Variants in GLI2 observed in about 807,000 individuals in gnomAD.
The protein encoded by GLI2 is transcription activator GLI2.
Under a neutral mutation model 78.9 loss-of-function variants are expected in GLI2, and 22 were observed. That is an observed-to-expected ratio of 0.28 (90% CI 0.20 to 0.40). The LOEUF is 0.40. Among genes scored for constraint, GLI2 ranks in the 10% least tolerant of loss-of-function variants. GLI2 has a pLI of 1.00. For synonymous variants in GLI2, 974 were observed against 963.7 expected (o/e 1.01, Z -0.20); for missense variants, 2,097 against 2,213.2 (o/e 0.95, Z 1.05).
intron 2 of GLI2, among the ~76,000 whole-genome samples, chr2:120,907,374 C>T (rs1227575675): frequency 7.9e-5 from 12 of 152,154 alleles, no homozygotes; most frequent in Admixed American, 7.9e-4. Flanking sequence ...AGAGAAACTT[C>T]CCTGACCTGA....
intron 3 of GLI2, 123 bp from the exon 4 acceptor site, chr2:120,951,120 T>C: frequency 1.3e-6 from 1 of 741,222 alleles, no homozygotes; most frequent in Non-Finnish European, 2.5e-6. Flanking sequence ...TAGCAAATAA[T>C]AAGTGCAGGT....
At chr2:120,866,883 T>C (rs1210111389) in intron 2 of GLI2, 2 of 152,204 alleles carry the variant, frequency 1.3e-5, no homozygotes, top group Non-Finnish European at 2.9e-5. Flanking sequence ...TGGCTGGGGA[T>C]GTGGGTTCAG....
At chr2:120,919,646 G>A (rs775395484) in intron 2 of GLI2, among the ~76,000 whole-genome samples, 12 of 152,236 alleles carry the variant, frequency 7.9e-5, no homozygotes, top group Non-Finnish European at 1.3e-4. Flanking sequence ...ACTGTCCCCT[G>A]GGATTCACAC....
At chr2:120,783,764 C>T (rs528099233) in intron 1 of GLI2, among the ~76,000 whole-genome samples, 59 of 152,262 alleles carry the variant, frequency 3.9e-4, no homozygotes, top group African/African-American at 1.3e-3. Flanking sequence ...ATACTATCCA[C>T]GTTGATTTAA....
chr2:120,977,340 T>G (rs889581431), intron 9 of GLI2, among the ~76,000 whole-genome samples: 18 of 152,254 alleles, frequency 1.2e-4, no homozygotes, highest in African/African-American at 4.3e-4. Flanking sequence ...GCCCAATATA[T>G]CTGAAATATC....
chr2:120,835,943 G>T (rs1476788938), intron 2 of GLI2, among the ~76,000 whole-genome samples: 2 of 152,132 alleles, frequency 1.3e-5, no homozygotes, highest in South Asian at 2.1e-4. Context: ...CAAGGTGGGG[G>T]ATGTTCTGCC....
chr2:120,961,969 G>A (rs1473260318), intron 5 of GLI2, among the ~76,000 whole-genome samples: 1 of 152,176 alleles, frequency 6.6e-6, no homozygotes, highest in African/African-American at 2.4e-5. Context: ...CCAGGTGCCA[G>A]GATGATGCTC....
chr2:120,830,772 G>GT (rs1179870777), intron 2 of GLI2, among the ~76,000 whole-genome samples: 1 of 152,162 alleles, frequency 6.6e-6, no homozygotes, highest in Non-Finnish European at 1.5e-5. Context: ...TGTTCCCTCT[G>GT]TTTTCTGGGT....
chr2:120,765,856 C>G (rs368843522), intron 1 of GLI2, among the ~76,000 whole-genome samples: 2 of 152,222 alleles, frequency 1.3e-5, no homozygotes, highest in East Asian at 1.9e-4. Flanking sequence ...TTTTGGCACG[C>G]GCTAAGGCGG....
intron 1 of GLI2, among the ~76,000 whole-genome samples, chr2:120,747,563 G>A (rs1336646776): frequency 6.6e-6 from 1 of 152,214 alleles, no homozygotes; most frequent in Non-Finnish European, 1.5e-5. Context: ...GACCTGTCTG[G>A]AGACATTTTT....
At chr2:120,908,076 G>T (rs1678632692) in intron 2 of GLI2, among the ~76,000 whole-genome samples, 1 of 152,212 alleles carries the variant, frequency 6.6e-6, no homozygotes, top group African/African-American at 2.4e-5. Flanking sequence ...CCCACATGGG[G>T]CCCTATTATA....
At chr2:120,755,776 A>G (rs111258811) in intron 1 of GLI2, among the ~76,000 whole-genome samples, 1 of 152,080 alleles carries the variant, frequency 6.6e-6, no homozygotes, top group African/African-American at 2.4e-5. Context: ...ATATAATACA[A>G]AGTATGTATC....
chr2:120,735,980 G>GCTGCGA lies in GLI2; in HGVS notation c.-329_-324dup, dbSNP rs1410475320. ...CGAGGAGGAGCGGGCGGCGGCGGCG[G>GCTGCGA]CTGCGACTGCGAACGCGGAGGAAGG... On this transcript the variant is annotated 5_prime_UTR_variant, in exon 1 of 14. Transcript: ENST00000361492. Among the ~76,000 whole-genome samples, 1 of 151,974 alleles carries GCTGCGA rather than the reference G, an allele frequency of 6.6e-6. No homozygotes were observed. Among genetic ancestry groups the GCTGCGA allele is most frequent in the Non-Finnish European group, 1.5e-5 (1 of 67,974 alleles).
At chr2:120,965,001 A>ATGCTGCTTATC (rs1681770312) in intron 5 of GLI2, among the ~76,000 whole-genome samples, 1 of 152,222 alleles carries the variant, frequency 6.6e-6, no homozygotes, top group Non-Finnish European at 1.5e-5. Flanking sequence ...TGCTTGGAGG[A>ATGCTGCTTATC]TGGTGGTAGC....
intron 2 of GLI2, among the ~76,000 whole-genome samples, chr2:120,857,573 C>T (rs1687720318): frequency 6.8e-6 from 1 of 146,478 alleles, no homozygotes; most frequent in Non-Finnish European, 1.5e-5. Flanking sequence ...ATCCATCCAT[C>T]CACCCACCCA....
intron 2 of GLI2, among the ~76,000 whole-genome samples, chr2:120,880,519 G>A (rs1677064303): frequency 6.6e-6 from 1 of 152,002 alleles, no homozygotes; most frequent in African/African-American, 2.4e-5. Flanking sequence ...ACCTGTTCCA[G>A]CCCCGGCTCT....
chr2:120,886,565 C>T (rs559449929), intron 2 of GLI2, among the ~76,000 whole-genome samples: 2 of 152,204 alleles, frequency 1.3e-5, no homozygotes, highest in Admixed American at 6.5e-5. Flanking sequence ...CTGGGCACAG[C>T]CCCAAAGTGT....
intron 11 of GLI2, 120 bp downstream of exon 11, chr2:120,983,000 C>A (rs1682787151): frequency 1.2e-6 from 1 of 864,122 alleles, no homozygotes; most frequent in East Asian, 2.6e-5. Flanking sequence ...CCGCCACTGA[C>A]CAGCTATACA....
At chr2:120,778,509 G>A (rs1337315734) in intron 1 of GLI2, among the ~76,000 whole-genome samples, 4 of 152,208 alleles carry the variant, frequency 2.6e-5, no homozygotes, top group African/African-American at 7.2e-5. Context: ...GTGGCGGGGC[G>A]TGTGAACGGT....
Sources: allele counts gnomAD v4.1 joint callset (sites outside exome capture counted in the v4.1 genomes callset), GRCh38; gene constraint gnomAD v4.1.1; transcripts MANE v1.5; gene names NCBI Gene and HGNC (gene_info 2026-07-23, HGNC 2026-07-21).